FBXO38: variants seen among roughly 807,000 people sequenced by gnomAD.
FBXO38 encodes the protein F-box protein 38, also known as F-box only protein 38.
Under a neutral mutation model 131.9 loss-of-function variants are expected in FBXO38, and 53 were observed. That is an observed-to-expected ratio of 0.40 (90% CI 0.32 to 0.51). The LOEUF is 0.51. Among genes scored for constraint, FBXO38 ranks in the 20% least tolerant of loss-of-function variants. The pLI, the probability that FBXO38 is intolerant of heterozygous loss-of-function variation, is 0.53. For synonymous variants in FBXO38, 452 were observed against 505.6 expected, an observed-to-expected ratio of 0.89 and a Z score of 1.42; for missense variants, 1,076 against 1,475.6, an observed-to-expected ratio of 0.73 and a Z score of 4.44.
At chr5:148,407,731 T>C (rs1013460598) in intron 7 of FBXO38, among the ~76,000 whole-genome samples, 1 of 152,206 alleles carries the variant, frequency 6.6e-6, no homozygotes, top group Admixed American at 6.5e-5. Context: ...GAGACCATCC[T>C]GGCTAACGTG....
Position 148,433,711 on chromosome 5 carries a change from A to G in FBXO38, c.2831A>G (p.Asp944Gly). The G allele has an allele frequency of 1.2e-6, 2 of 1,608,906 alleles. No individual in the cohort carries two copies. The highest frequency in any genetic ancestry group is 1.7e-6 in the Non-Finnish European group (2 of 1,176,796). ...GGAATCACAGATCTAGTGCTAAAAG[A>G]CTGTCCAAAGATGATGTTCATCCAT... ...NCGITDLVLK[D>G]CPKMMFIHAT... The change falls in exon 17 of 22, where the codon GAC becomes GGC. Residue 944 changes from aspartate to glycine, a missense_variant. By Grantham distance (94) the Asp-to-Gly change is moderately conservative. Coordinates refer to ENST00000340253, the MANE Select transcript of FBXO38 (RefSeq NM_205836.3).
At chr5:148,410,612 A>G (rs767210069) in intron 8 of FBXO38, 23 bp from the exon 9 acceptor site, 3 of 1,613,276 alleles carry the variant, frequency 1.9e-6, no homozygotes, top group African/African-American at 1.3e-5. Context: ...TTACTCTGAT[A>G]TGTTCTCTGT....
chr5:148,419,133 AATAC>A (rs1753247698), intron 12 of FBXO38, among the ~76,000 whole-genome samples: 1 of 152,250 alleles, frequency 6.6e-6, no homozygotes, highest in African/African-American at 2.4e-5. Context: ...GCAAAGAATA[AATAC>A]ATAATGTATA....
At position 148,394,923 on chromosome 5, in the gene FBXO38, G is replaced by A. The variant is rs1382575969; in HGVS notation, c.128+19G>A. The A allele has an allele frequency of 2.6e-6, 4 of 1,551,228 alleles. No individual in the cohort carries two copies. The highest frequency in any genetic ancestry group is 3.5e-6 in the Non-Finnish European group (4 of 1,148,194). On this transcript the variant is annotated intron_variant, in intron 2 of 21. Coordinates refer to ENST00000340253, the MANE Select transcript of FBXO38 (RefSeq NM_205836.3). The stretch of plus-strand genomic sequence containing the variant: ...TTTTTAGGTAAGATTGTGTTTGGTT[G>A]GCTTACCTGCCTGGAATGGATAAGA...
chr5:148,420,807 A>G (rs1307240658), intron 12 of FBXO38, among the ~76,000 whole-genome samples: 1 of 151,880 alleles, frequency 6.6e-6, no homozygotes, highest in African/African-American at 2.4e-5. Context: ...CGGCTGTGTG[A>G]GGCCAGATAA....
chr5:148,439,579 A>G (rs112634346), intron 18 of FBXO38, 68 bp from the exon 19 acceptor site: 71 of 1,458,974 alleles, frequency 4.9e-5, no homozygotes, highest in African/African-American at 7.1e-5. Flanking sequence ...AGATTGTTCA[A>G]GCTCTCGGAG....
chr5:148,414,088 C>G, intron 9 of FBXO38, 48 bp from the exon 10 acceptor site: 1 of 1,555,374 alleles, frequency 6.4e-7, no homozygotes, highest in Non-Finnish European at 8.7e-7. Context: ...CACTCCCTAA[C>G]ACTTAAGAAT....
At position 148,424,120 on chromosome 5, in the gene FBXO38, AAT is replaced by A; in HGVS notation, c.1738+4_1738+5del. ...GGATGTTGATGAGGAACAAGCAGGTAATCATGTGATCCATCCCACATTCATCA... is the reference window on the plus strand; with the variant it reads ...GGATGTTGATGAGGAACAAGCAGGTACATGTGATCCATCCCACATTCATCA... On this transcript the variant is annotated splice_donor_5th_base_variant and intron_variant, in intron 13 of 21. Transcript: ENST00000340253. The A allele has an allele frequency of 6.2e-7, 1 of 1,611,282 alleles. No individual in the cohort carries two copies. Among genetic ancestry groups the A allele is most frequent in the Non-Finnish European group, 8.5e-7 (1 of 1,178,680 alleles).
intron 5 of FBXO38, 170 bp downstream of exon 5, chr5:148,402,683 C>T (rs865847585): frequency 5.6e-6 from 3 of 534,874 alleles, no homozygotes; most frequent in African/African-American, 3.8e-5. Flanking sequence ...TAAAGATCCA[C>T]TGGTGTGAGG....
chr5:148,398,897 C>G, intron 2 of FBXO38, 102 bp from the exon 3 acceptor site: 1 of 1,285,488 alleles, frequency 7.8e-7, no homozygotes, highest in Non-Finnish European at 1.1e-6. Flanking sequence ...GATCTTATTT[C>G]ATTTGAGTGG....
rs1394877299 is a variant in FBXO38, at chr5:148,420,126, G to GT, written c.1618+2922_1618+2923insT. 1.5e-3 allele frequency among the ~76,000 whole-genome samples: 215 copies of GT among 146,008 alleles called. 1 individual carries two copies. The highest frequency in any genetic ancestry group is 3.7e-3 in the African/African-American group (145 of 39,070). On this transcript the variant is annotated intron_variant, in intron 12 of 21. Transcript: ENST00000340253. ...ATAAATGATTACAGTTTTTTTGTGG[G>GT]GTTTTTTTTTTTTTTTGAGACAGAG...
Position 148,425,663 on chromosome 5 carries a change from A to T in FBXO38, c.1880A>T (p.Glu627Val). Residue 627 changes from glutamate to valine, a missense_variant, in exon 14 of 22, where the codon GAA becomes GTA. Around this residue, in one of 8 missense-constraint regions of FBXO38, gnomAD observed 212 missense variants for 221.2 expected, o/e 0.96. Transcript: ENST00000340253. Reference protein sequence around the residue: ...NGTRRYSEREEKTGESVQSRE... With the variant: ...NGTRRYSEREVKTGESVQSRE... ...ACTCGGCGTTACTCTGAACGTGAAG[A>T]AAAAACTGGAGAGTCAGTGCAGTCC... 1 of 1,614,100 alleles carries T rather than the reference A, an allele frequency of 6.2e-7. No homozygotes were observed. Among genetic ancestry groups the T allele is most frequent in the Middle Eastern group, 1.6e-4 (1 of 6,062 alleles).
In FBXO38 at chr5:148,441,184, G is replaced by A. The variant is rs372096691; in HGVS notation, c.3335G>A (p.Arg1112Gln). Residue 1112 changes from arginine (R) to glutamine (Q), a missense_variant, in exon 21 of 22, where the codon CGA becomes CAA. Physicochemically the swap from Arg to Gln is conservative, Grantham distance 43. This residue lies in a region of FBXO38 where 282 missense variants were observed against 418.8 expected (regional missense o/e 0.67). Coordinates refer to ENST00000340253, the MANE Select transcript of FBXO38 (RefSeq NM_205836.3). ...ISDFPWLRSL[R>Q]AAEPNSFARY... is the part of the protein sequence containing the mutation. The stretch of plus-strand genomic sequence containing the variant: ...GACTTCCCTTGGCTGAGGTCATTAC[G>A]AGCTGCAGAGCCCAACAGCTTCGCT... The A allele has an allele frequency of 6.2e-7, 1 of 1,613,778 alleles. No homozygotes were observed. The highest frequency in any genetic ancestry group is 2.2e-5 in the East Asian group (1 of 44,862).
intron 7 of FBXO38, 67 bp from the exon 8 acceptor site, chr5:148,409,050 TTATAATG>T (rs899840584): frequency 2.5e-6 from 2 of 785,122 alleles, no homozygotes; most frequent in Non-Finnish European, 4.5e-6. Flanking sequence ...AGATAATACT[TTATAATG>T]TATAGTATAT....
chr5:148,404,632 G>C (rs1199860883), intron 5 of FBXO38, 53 bp from the exon 6 acceptor site: 2 of 1,448,406 alleles, frequency 1.4e-6, no homozygotes, highest in South Asian at 1.4e-5. Context: ...GCAAAATATA[G>C]TATATTTTTG....
intron 2 of FBXO38, among the ~76,000 whole-genome samples, chr5:148,398,014 A>G (rs556951673): frequency 6.6e-6 from 1 of 152,116 alleles, no homozygotes; most frequent in Non-Finnish European, 1.5e-5. Context: ...GAAAGGCAGC[A>G]TTGCCACCTG....
intron 12 of FBXO38, among the ~76,000 whole-genome samples, chr5:148,419,656 G>C (rs528706544): frequency 5.9e-5 from 9 of 152,252 alleles, no homozygotes; most frequent in Non-Finnish European, 7.4e-5. Flanking sequence ...CGGGAGGATG[G>C]CTTGAGTGGG....
intron 9 of FBXO38, chr5:148,413,522 T>C (rs565462745): frequency 6.6e-6 from 1 of 152,304 alleles, no homozygotes; most frequent in South Asian, 2.1e-4. Flanking sequence ...GAGGTGTGAT[T>C]CTTAGTGACA....
rs1753795008 is a variant in FBXO38, at chr5:148,427,662, A to T, written c.2368A>T (p.Arg790Trp). Residue 790 changes from arginine to tryptophan, a missense_variant, in exon 15 of 22, where the codon AGG becomes TGG. Physicochemically the swap from Arg to Trp is moderately radical, Grantham distance 101 (BLOSUM62 -3). Transcript: ENST00000340253. ...RPQESQRRTS[R>W]CSDEERPSTS... is the part of the protein sequence containing the mutation. ...CCAGGAATCCCAAAGGAGAACTAGCAGGTGTTCTGATGAGGAACGTCCTTC... is the reference window on the plus strand; with the variant it reads ...CCAGGAATCCCAAAGGAGAACTAGCTGGTGTTCTGATGAGGAACGTCCTTC... 6.2e-7 allele frequency: 1 copy of T among 1,614,084 alleles called. No individual in the cohort carries two copies. Among genetic ancestry groups the T allele is most frequent in the African/African-American group, 1.3e-5 (1 of 74,950 alleles).
Sources: gnomAD v4.1 joint callset for allele counts (sites outside exome capture counted in the v4.1 genomes callset) on GRCh38, gnomAD v4.1.1 for gene constraint, gnomAD v4.1.1 regional missense constraint, MANE v1.5 for transcripts, NCBI Gene and HGNC (gene_info 2026-07-23, HGNC 2026-07-21) for gene names.